The following TGM4 variants were observed in gnomAD, a reference collection of about 807,000 sequenced individuals.
TGM4 encodes the protein transglutaminase 4.
A neutral mutation model predicts 76.3 loss-of-function variants in TGM4; 61 were observed. That is an observed-to-expected ratio of 0.80 (90% CI 0.65 to 0.99). The LOEUF (loss-of-function observed/expected upper bound fraction) is 0.99. TGM4 is among the 50% of genes least tolerant of loss of function. TGM4 has a pLI of 0.00. For synonymous variants in TGM4, 337 were observed against 329.8 expected (o/e 1.02, Z -0.24); for missense variants, 794 against 843.2 (o/e 0.94, Z 0.72).
intron 5 of TGM4, among the ~76,000 whole-genome samples, chr3:44,895,815 T>C (rs1699771609): frequency 6.6e-6 from 1 of 152,210 alleles, no homozygotes. Context: ...TTATGGATAA[T>C]TACAGATTGA....
At position 44,907,110 on chromosome 3, in the gene TGM4, G is replaced by T. The variant is rs1559620090; in HGVS notation, c.1237G>T (p.Glu413Ter). 2 of 1,614,090 alleles carry T rather than the reference G, an allele frequency of 1.2e-6. No homozygotes were observed. Among genetic ancestry groups the T allele is most frequent in the Non-Finnish European group, 1.7e-6 (2 of 1,180,032 alleles). The stretch of plus-strand genomic sequence containing the variant: ...GGAGGAGTTACACGTAATTTCAATG[G>T]AGACCACAAGCATCGGGAAAAACAT... ...GQEELHVISM[E>*]TTSIGKNIST... Residue 413 changes from glutamate to a stop codon, truncating the protein, a stop_gained, in exon 10 of 14, where the codon GAG becomes TAG. Transcript: ENST00000296125. LOFTEE classifies it high-confidence loss of function.
chr3:44,881,388 A>T (rs2125747330), intron 1 of TGM4, among the ~76,000 whole-genome samples: 1 of 152,350 alleles, frequency 6.6e-6, no homozygotes, highest in East Asian at 1.9e-4. Context: ...TGCTTATAAA[A>T]GAATACCTAA....
At chr3:44,903,731 C>A in intron 8 of TGM4, 153 bp from the exon 9 acceptor site, 3 of 715,884 alleles carry the variant, frequency 4.2e-6, no homozygotes, top group South Asian at 3.3e-5. Flanking sequence ...CCGGTGGCCC[C>A]TTCCTTGCCA....
At chr3:44,890,447 G>T (rs116486313) in intron 3 of TGM4, 156 bp from the exon 4 acceptor site, 2 of 1,022,772 alleles carry the variant, frequency 2.0e-6, no homozygotes, top group Middle Eastern at 3.3e-4. Flanking sequence ...TTGCAGGGGC[G>T]CTCCTGGCTG....
At chr3:44,909,409 T>C (rs1699970018) in intron 10 of TGM4, among the ~76,000 whole-genome samples, 1 of 152,222 alleles carries the variant, frequency 6.6e-6, no homozygotes, top group Admixed American at 6.5e-5. Context: ...CCTTATTGCC[T>C]TAGGAAACTG....
chr3:44,884,464 T>C (rs1464393116), intron 1 of TGM4, among the ~76,000 whole-genome samples: 2 of 152,166 alleles, frequency 1.3e-5, no homozygotes, highest in Admixed American at 1.3e-4. Flanking sequence ...TACTTTTCAC[T>C]TTAGCATTGA....
At chr3:44,892,419 A>G (rs1406333506) in intron 4 of TGM4, among the ~76,000 whole-genome samples, 4 of 143,812 alleles carry the variant, frequency 2.8e-5, no homozygotes, top group Middle Eastern at 3.8e-3. Context: ...CTGGAGTGCA[A>G]TGGCGCAATG....
intron 6 of TGM4, among the ~76,000 whole-genome samples, chr3:44,897,899 G>A (rs1287236292): frequency 6.6e-6 from 1 of 152,172 alleles, no homozygotes; most frequent in East Asian, 1.9e-4. Context: ...CTTGCTAGAA[G>A]TCAGCTGGAA....
chr3:44,910,649 T>A (rs1425560432), intron 11 of TGM4, among the ~76,000 whole-genome samples: 1 of 152,096 alleles, frequency 6.6e-6, no homozygotes, highest in Non-Finnish European at 1.5e-5. Context: ...GTGGCAGAAA[T>A]TTTAATCTCA....
chr3:44,890,950 C>A (rs780228222), intron 4 of TGM4, among the ~76,000 whole-genome samples: 4 of 152,188 alleles, frequency 2.6e-5, no homozygotes, highest in Admixed American at 6.5e-5. Context: ...CCACTTCTCC[C>A]CAGTGCCTCG....
At chr3:44,904,044 G>C (rs1699890191) in intron 9 of TGM4, 57 bp downstream of exon 9, 1 of 1,475,174 alleles carries the variant, frequency 6.8e-7, no homozygotes, top group African/African-American at 1.4e-5. Context: ...ACATGGCCCA[G>C]GGTTCTGTGG....
At chr3:44,910,408 A>G (rs756153489) in intron 11 of TGM4, 40 bp downstream of exon 11, 5 of 1,589,488 alleles carry the variant, frequency 3.1e-6, no homozygotes, top group Admixed American at 1.8e-5. Context: ...AAGTGGGCTC[A>G]GGGTCCCACA....
chr3:44,900,345 C>T (rs537804762), intron 6 of TGM4, among the ~76,000 whole-genome samples: 3 of 152,314 alleles, frequency 2.0e-5, no homozygotes, highest in East Asian at 1.9e-4. Flanking sequence ...GTTTTCATTC[C>T]GTCTGACCAC....
intron 6 of TGM4, chr3:44,900,696 T>C (rs1575722826): frequency 6.6e-6 from 1 of 152,244 alleles, no homozygotes; most frequent in East Asian, 1.9e-4. Flanking sequence ...AGATCAAAGA[T>C]TTGTGACTGT....
chr3:44,901,590 G>A lies in TGM4; in HGVS notation c.724G>A (p.Ala242Thr). The change falls in exon 7 of 14, where the codon GCC (alanine) becomes ACC (threonine). Residue 242 changes from alanine (A) to threonine (T), a missense_variant. Coordinates refer to ENST00000296125, the MANE Select transcript of TGM4 (RefSeq NM_003241.4). Reference protein sequence around the residue: ...NWTGDYEGGTAPYKWTGSAPI... With the variant: ...NWTGDYEGGTTPYKWTGSAPI... ...GACTGGGGACTACGAAGGTGGCACA[G>A]CCCCATACAAGTGGACAGGCAGTGC... is the stretch of plus-strand genomic sequence containing the variant. The A allele has an allele frequency of 6.2e-7, 1 of 1,614,078 alleles. No homozygotes were observed. The highest frequency in any genetic ancestry group is 8.5e-7 in the Non-Finnish European group (1 of 1,179,972).
At chr3:44,879,016 ATT>A (rs1441603779) in intron 1 of TGM4, among the ~76,000 whole-genome samples, 1 of 151,866 alleles carries the variant, frequency 6.6e-6, no homozygotes, top group Non-Finnish European at 1.5e-5. Context: ...TATTATAGGT[ATT>A]TGTTTCCAGT....
chr3:44,887,677 G>A lies in TGM4; in HGVS notation c.194-12G>A. The stretch of plus-strand genomic sequence containing the variant: ...CATGGCTGGGCCAATGTTTTCCTTT[G>A]GGTGTCTCCAGGGCCGAATCCTAGC... On this transcript the variant is annotated splice_polypyrimidine_tract_variant and intron_variant, in intron 2 of 13. Transcript: ENST00000296125. 1.2e-6 allele frequency: 2 copies of A among 1,612,694 alleles called. No homozygotes were observed. Among genetic ancestry groups the A allele is most frequent in the Middle Eastern group, 1.7e-4 (1 of 6,048 alleles).
At chr3:44,906,203 C>T (rs1194578791) in intron 9 of TGM4, among the ~76,000 whole-genome samples, 2 of 152,064 alleles carry the variant, frequency 1.3e-5, no homozygotes, top group African/African-American at 2.4e-5. Flanking sequence ...GGGAGAGGAG[C>T]CTGTGTGTTG....
intron 3 of TGM4, among the ~76,000 whole-genome samples, chr3:44,889,423 G>C (rs541350012): frequency 4.7e-4 from 71 of 152,152 alleles, no homozygotes; most frequent in African/African-American, 1.4e-3. Context: ...TTCTCCTGGG[G>C]CCTTCCTGAA....
Sources: allele counts gnomAD v4.1 joint callset (sites outside exome capture counted in the v4.1 genomes callset), GRCh38; gene constraint gnomAD v4.1.1; transcripts MANE v1.5; gene names NCBI Gene and HGNC (gene_info 2026-07-23, HGNC 2026-07-21).